Variants in TRDN observed in about 807,000 individuals in gnomAD.
The protein encoded by TRDN is triadin.
Under a neutral mutation model 149.7 loss-of-function variants are expected in TRDN, and 161 were observed. That is an observed-to-expected ratio of 1.08 (90% CI 0.95 to 1.23). The LOEUF is 1.23. Among genes scored for constraint, TRDN ranks in the 50% most tolerant of loss-of-function variants. TRDN has a pLI of 0.00. For missense variants in TRDN, 896 were observed against 823.5 expected (o/e 1.09, Z -1.08); for synonymous variants, 294 against 250.5 (o/e 1.17, Z -1.64).
chr6:123,410,510 C>G lies in TRDN; in HGVS notation c.1052-16833G>C, dbSNP rs532732778. 2.4e-4 allele frequency among the ~76,000 whole-genome samples: 37 copies of G among 152,238 alleles called. 1 individual carries two copies. The highest frequency in any genetic ancestry group is 8.7e-4 in the African/African-American group (36 of 41,552). On this transcript the variant is annotated intron_variant, in intron 12 of 40. Coordinates refer to ENST00000334268, the MANE Select transcript of TRDN (RefSeq NM_006073.4). Reference sequence around the variant, plus strand: ...TATAACATTTATTGTATTTTCTCTTCACTTATTGAAACTAAAAGTATTTTA... The same window carrying G: ...TATAACATTTATTGTATTTTCTCTTGACTTATTGAAACTAAAAGTATTTTA...
In TRDN at chr6:123,221,392, C is replaced by T. The variant is rs1028754827; in HGVS notation, c.2050+95G>A. The T allele has an allele frequency of 8.8e-5, 72 of 820,994 alleles. No individual in the cohort carries two copies. In the Middle Eastern group the frequency reaches 9.2e-4, roughly 10 times the overall value. The allele number at this position is 820,994 out of a possible 1,614,324, so 50.9% of individuals were successfully genotyped here. A position where few individuals can be genotyped will look rare whatever the true frequency, so the allele number is the denominator to read the frequency against. ...TGTCTATGCTAAAAAATTTTTTCTTCGAATACTGGTCTTAAGAGAGTCTAA... is the reference window on the plus strand; with the variant it reads ...TGTCTATGCTAAAAAATTTTTTCTTTGAATACTGGTCTTAAGAGAGTCTAA... On this transcript the variant is annotated intron_variant, in intron 40 of 40. Transcript: ENST00000334268.
At chr6:123,235,369 AG>A (rs770190237) in intron 38 of TRDN, among the ~76,000 whole-genome samples, 1 of 152,106 alleles carries the variant, frequency 6.6e-6, no homozygotes, top group African/African-American at 2.4e-5. Context: ...CTGACAAGCC[AG>A]GGCTCACTTT....
chr6:123,359,482 A>G (rs1012389709), intron 20 of TRDN, among the ~76,000 whole-genome samples: 1 of 149,644 alleles, frequency 6.7e-6, no homozygotes, highest in Non-Finnish European at 1.5e-5. Flanking sequence ...GGGATGTTCT[A>G]CTAGATGAAT....
chr6:123,436,522 G>A (rs1169511026), intron 12 of TRDN, among the ~76,000 whole-genome samples: 8 of 151,834 alleles, frequency 5.3e-5, no homozygotes, highest in East Asian at 3.9e-4. Context: ...ATATTTCTAC[G>A]CATTTCTATT....
chr6:123,301,752 CAT>C lies in TRDN; in HGVS notation c.1510+14703_1510+14704del, dbSNP rs776895792. The stretch of plus-strand genomic sequence containing the variant: ...ATGTATGTATGTATGTATATATATA[CAT>C]ATATATATATATATACATATATATA... On this transcript the variant is annotated intron_variant, in intron 24 of 40. Transcript: ENST00000334268. 5.9e-3 allele frequency among the ~76,000 whole-genome samples: 453 copies of C among 77,084 alleles called. 12 individuals carry two copies. The highest frequency in any genetic ancestry group is 0.016 in the African/African-American group (355 of 22,894). 50.6% of individuals were successfully genotyped at this position (77,084 alleles called of 152,430 possible). A position where few individuals can be genotyped will look rare whatever the true frequency, so the allele number is the denominator to read the frequency against.
chr6:123,423,535 A>G (rs1307056492), intron 12 of TRDN, among the ~76,000 whole-genome samples: 1 of 152,184 alleles, frequency 6.6e-6, no homozygotes, highest in Non-Finnish European at 1.5e-5. Context: ...AAGAGTTTTA[A>G]AGTTGCTATA....
intron 24 of TRDN, among the ~76,000 whole-genome samples, chr6:123,307,024 A>T (rs1778635957): frequency 6.6e-6 from 1 of 152,084 alleles, no homozygotes; most frequent in Non-Finnish European, 1.5e-5. Context: ...TGGTTAAATG[A>T]TTTAGCTTTG....
chr6:123,615,127 TATTATCAAAA>T (rs1001502158), intron 1 of TRDN, among the ~76,000 whole-genome samples: 1 of 152,152 alleles, frequency 6.6e-6, no homozygotes, highest in African/African-American at 2.4e-5. Flanking sequence ...TTAGAATGTC[TATTATCAAAA>T]AGACAAAAGA....
At chr6:123,301,352 G>A (rs111723927) in intron 24 of TRDN, among the ~76,000 whole-genome samples, 127 of 151,906 alleles carry the variant, frequency 8.4e-4, no homozygotes, top group African/African-American at 2.3e-3. Flanking sequence ...TTTCTTTCAC[G>A]TCCTTGAAAT....
At chr6:123,436,930 G>A (rs1774597271) in intron 12 of TRDN, among the ~76,000 whole-genome samples, 1 of 152,134 alleles carries the variant, frequency 6.6e-6, no homozygotes, top group South Asian at 2.1e-4. Flanking sequence ...GGTTCTAATG[G>A]TAGAATTTTA....
intron 38 of TRDN, among the ~76,000 whole-genome samples, chr6:123,250,553 A>C (rs1455539505): frequency 2.0e-5 from 3 of 152,158 alleles, no homozygotes; most frequent in Non-Finnish European, 4.4e-5. Context: ...TAAAAACAAT[A>C]ATATGTGCTA....
chr6:123,594,506 AT>A (rs1783936038), intron 1 of TRDN, among the ~76,000 whole-genome samples: 1 of 152,046 alleles, frequency 6.6e-6, no homozygotes, highest in Non-Finnish European at 1.5e-5. Context: ...AAATTAAAAT[AT>A]TTACAATAAA....
rs553054553 is a variant in TRDN at position 123,388,474 on chromosome 6, G to A, written c.1135+48C>T. 1.0e-4 allele frequency: 162 copies of A among 1,566,810 alleles called. No individual in the cohort carries two copies. In the South Asian group the frequency reaches 1.8e-3, roughly 18 times the overall value. On this transcript the variant is annotated intron_variant, in intron 14 of 40. Transcript: ENST00000334268. ...AGTCAAAACCCAACTCAGGATATTG[G>A]TAAATTGTACTCACAAAAGGCTCAG...
At chr6:123,274,139 C>T (rs1301874006) in intron 27 of TRDN, among the ~76,000 whole-genome samples, 1 of 152,016 alleles carries the variant, frequency 6.6e-6, no homozygotes, top group Non-Finnish European at 1.5e-5. Context: ...GTAATAATGG[C>T]CATGCTGTCT....
chr6:123,337,065 A>G (rs891928937), intron 22 of TRDN, among the ~76,000 whole-genome samples: 2 of 152,058 alleles, frequency 1.3e-5, no homozygotes, highest in African/African-American at 4.8e-5. Context: ...ACAAAATTTA[A>G]TTAAGAATTT....
chr6:123,269,813 C>T (rs1225669826), intron 31 of TRDN, 36 bp downstream of exon 31: 15 of 1,601,986 alleles, frequency 9.4e-6, no homozygotes, highest in East Asian at 4.5e-5. Flanking sequence ...AATGGTCAAG[C>T]GATATTTCTC....
intron 2 of TRDN, among the ~76,000 whole-genome samples, chr6:123,561,330 A>T (rs184996111): frequency 7.1e-4 from 108 of 152,166 alleles, no homozygotes; most frequent in African/African-American, 2.4e-3. Context: ...TTAAAAACAC[A>T]CCTCACCAAG....
In TRDN at chr6:123,364,841, T is replaced by C. The variant is rs376980591; in HGVS notation, c.1321+1294A>G. On this transcript the variant is annotated intron_variant, in intron 20 of 40. Coordinates refer to ENST00000334268, the MANE Select transcript of TRDN (RefSeq NM_006073.4). ...ATGAACTCTGTATCTATGTCTATGT[T>C]AGTGATTTTCTCTGACACTATATTA... 1.1e-4 allele frequency among the ~76,000 whole-genome samples: 16 copies of C among 152,300 alleles called. No homozygotes were observed. In the East Asian group the frequency reaches 2.7e-3, roughly 26 times the overall value.
intron 20 of TRDN, among the ~76,000 whole-genome samples, chr6:123,355,330 T>C (rs1360533184): frequency 6.6e-6 from 1 of 151,714 alleles, no homozygotes; most frequent in Non-Finnish European, 1.5e-5. Context: ...GTATTCTATT[T>C]AAAAAGATTT....
Sources: gnomAD v4.1 joint callset for allele counts (sites outside exome capture counted in the v4.1 genomes callset) on GRCh38, gnomAD v4.1.1 for gene constraint, MANE v1.5 for transcripts, NCBI Gene and HGNC (gene_info 2026-07-23, HGNC 2026-07-21) for gene names.